Variants in MYO19 observed in about 807,000 individuals in gnomAD.
The protein encoded by MYO19 is myosin XIX.
A neutral mutation model predicts 129.2 loss-of-function variants in MYO19; 132 were observed. The ratio of observed to expected loss-of-function variants is 1.02; its 90% CI spans 0.89 to 1.18. The LOEUF (loss-of-function observed/expected upper bound fraction) is 1.18. Among genes scored for constraint, MYO19 ranks in the 50% most tolerant of loss-of-function variants. MYO19 has a pLI of 0.00. For missense variants in MYO19, 1,210 were observed against 1,216.7 expected, an observed-to-expected ratio of 0.99 and a Z score of 0.08; for synonymous variants, 531 against 477.2, an observed-to-expected ratio of 1.11 and a Z score of -1.47.
At chr17:36,516,081 TCTC>T (rs2072730332) in intron 6 of MYO19, 91 bp from the exon 7 acceptor site, 2 of 1,409,168 alleles carry the variant, frequency 1.4e-6, no homozygotes, top group East Asian at 5.1e-5. Context: ...AGAGCTCTCT[TCTC>T]CACCAGTGTG....
chr17:36,498,221 C>G (rs1347226713), intron 25 of MYO19, 45 bp downstream of exon 25: 1 of 1,574,654 alleles, frequency 6.4e-7, no homozygotes, highest in Non-Finnish European at 8.6e-7. Flanking sequence ...TTTGCTCCTG[C>G]TGTTCTCAGG....
At chr17:36,507,777 T>A in intron 15 of MYO19, 26 bp downstream of exon 15, 1 of 1,575,514 alleles carries the variant, frequency 6.3e-7, no homozygotes, top group Non-Finnish European at 8.6e-7. Context: ...AAGAAGGACC[T>A]GCCTCCTGCT....
At chr17:36,542,585 G>C (rs894643246) in intron 1 of MYO19, among the ~76,000 whole-genome samples, 4 of 151,798 alleles carry the variant, frequency 2.6e-5, no homozygotes, top group African/African-American at 9.7e-5. Context: ...TGTAGTCCCA[G>C]CTACTCGGGA....
rs903057383 is a variant in MYO19 at position 36,527,679 on chromosome 17, G to A, written c.172C>T (p.Arg58Trp). Residue 58 changes from arginine (R) to tryptophan (W), a missense_variant, in exon 5 of 26, where the codon CGG (arginine) becomes TGG (tryptophan). Arg to Trp is a moderately radical substitution (Grantham distance 101). Transcript: ENST00000614623. The part of the protein sequence containing the change: ...LETVLRCLQA[R>W]YMADTFYTNA... ...GTGTAGAATGTGTCTGCCATGTACC[G>A]GGCCTGCAGGCACCTCAGGACTGAG... is the stretch of plus-strand genomic sequence containing the variant. The A allele has an allele frequency of 1.1e-5, 18 of 1,612,840 alleles. No homozygotes were observed. Among genetic ancestry groups the A allele is most frequent in the Middle Eastern group, 1.6e-4 (1 of 6,076 alleles).
In MYO19 at chr17:36,540,372, C is replaced by CT. The variant is rs532388058; in HGVS notation, n.395+1708dup. Among the ~76,000 whole-genome samples, 988 of 138,700 alleles carry CT rather than the reference C, an allele frequency of 7.1e-3. 5 individuals carry two copies. Among genetic ancestry groups the CT allele is most frequent in the African/African-American group, 0.012 (447 of 37,806 alleles). 91.0% of individuals were successfully genotyped at this position (138,700 alleles called of 152,430 possible). A position where few individuals can be genotyped will look rare whatever the true frequency, so the allele number is the denominator to read the frequency against. The stretch of plus-strand genomic sequence containing the variant: ...ATAATGACGTTTAATATTCTACTGT[C>CT]TTTTTTTTTTTTTTTTGAGATGGAG... On this transcript the variant is annotated intron_variant and non_coding_transcript_variant, in intron 2 of 2. Transcript: ENST00000610496.
At chr17:36,532,826 C>T (rs2073905136) in intron 2 of MYO19, 145 bp from the exon 3 acceptor site, 1 of 532,810 alleles carries the variant, frequency 1.9e-6, no homozygotes. Context: ...CTTTCCCTTG[C>T]CAATTAGGAG....
In MYO19 at chr17:36,496,111, G is replaced by A. The variant is rs1295320954; in HGVS notation, c.*140C>T. ...ACTGACGCACTGGGCACGGGGCTCT[G>A]GGTCGAAGGCTGGAGCCGTCACTGT... On this transcript the variant is annotated 3_prime_UTR_variant, in exon 26 of 26. Coordinates refer to ENST00000614623, the MANE Select transcript of MYO19 (RefSeq NM_001163735.2). The A allele has an allele frequency of 1.7e-6, 2 of 1,199,108 alleles. No homozygotes were observed. The highest frequency in any genetic ancestry group is 2.4e-6 in the Non-Finnish European group (2 of 846,322). The allele number at this position is 1,199,108 out of a possible 1,614,324, so 74.3% of individuals were successfully genotyped here.
Position 36,498,522 on chromosome 17 carries a change from C to G in MYO19, c.2501G>C (p.Gly834Ala). The G allele has an allele frequency of 6.2e-7, 1 of 1,613,536 alleles. No individual in the cohort carries two copies. Among genetic ancestry groups the G allele is most frequent in the South Asian group, 1.1e-5 (1 of 91,076 alleles). Residue 834 changes from glycine to alanine, a missense_variant, in exon 25 of 26, where the codon GGT becomes GCT. Gly to Ala is a moderately conservative substitution (Grantham distance 60). Coordinates refer to ENST00000614623, the MANE Select transcript of MYO19 (RefSeq NM_001163735.2). ...TTGAGAGAAGTGTTTTTCTTCCACACCATCCAGCTCTTTAGCAGCAAGGCA... is the reference window on the plus strand; with the variant it reads ...TTGAGAGAAGTGTTTTTCTTCCACAGCATCCAGCTCTTTAGCAGCAAGGCA... ...MACLAAKELDGVEEKHFSQAP... is the reference protein window; with the variant it reads ...MACLAAKELDAVEEKHFSQAP...
At chr17:36,520,659 A>C (rs1212898949) in intron 6 of MYO19, among the ~76,000 whole-genome samples, 1 of 152,156 alleles carries the variant, frequency 6.6e-6, no homozygotes, top group African/African-American at 2.4e-5. Flanking sequence ...AGTGATGAAG[A>C]CCTTTATGAG....
chr17:36,538,536 G>A (rs1383455065), upstream of MYO19: 3 of 1,613,786 alleles, frequency 1.9e-6, no homozygotes, highest in Admixed American at 1.7e-5. Context: ...GGCCTTATTT[G>A]TGGTCAATCT....
At position 36,514,450 on chromosome 17, in the gene MYO19, TAGA is replaced by T. The variant is rs1567760576; in HGVS notation, c.713_715del (p.Phe238del). The T allele has an allele frequency of 6.2e-6, 10 of 1,609,562 alleles. No individual in the cohort carries two copies. Among genetic ancestry groups the T allele is most frequent in the African/African-American group, 1.3e-5 (1 of 74,826 alleles). On this transcript the variant is annotated inframe_deletion, in exon 9 of 26. Transcript: ENST00000614623. ...GTGGCCCCATTTGGCACAAACCTGA[TAGA>T]AGATGTGGAAGTTCCTCTCACTGGA... is the stretch of plus-strand genomic sequence containing the variant.
Position 36,495,800 on chromosome 17 carries a change from AAATC to A in MYO19, c.*447_*450del. The A allele has an allele frequency of 8.1e-7, 1 of 1,240,726 alleles. No homozygotes were observed. The highest frequency in any genetic ancestry group is 1.0e-6 in the Non-Finnish European group (1 of 992,634). The allele number at this position is 1,240,726 out of a possible 1,614,324, so 76.9% of individuals were successfully genotyped here. A position where few individuals can be genotyped will look rare whatever the true frequency, so the allele number is the denominator to read the frequency against. ...TTAATTGTTTGAAATTACATTAAAT[AAATC>A]AACTAATTAAATACTAAAGTTTTGT... On this transcript the variant is annotated 3_prime_UTR_variant, in exon 26 of 26. Coordinates refer to ENST00000614623, the MANE Select transcript of MYO19 (RefSeq NM_001163735.2).
At chr17:36,516,377 C>T (rs1567765503) in intron 6 of MYO19, among the ~76,000 whole-genome samples, 3 of 151,178 alleles carry the variant, frequency 2.0e-5, no homozygotes, top group African/African-American at 7.3e-5. Context: ...AGCAGTCTAA[C>T]TTTTTTTTTC....
rs758404100 is a variant in MYO19 at position 36,514,434 on chromosome 17, T to C, written c.720+12A>G. The C allele has an allele frequency of 1.9e-6, 3 of 1,588,692 alleles. No individual in the cohort carries two copies. Among genetic ancestry groups the C allele is most frequent in the Non-Finnish European group, 2.6e-6 (3 of 1,157,042 alleles). ...TCGCATCTGGGGGGCTGTGGCCCCATTTGGCACAAACCTGATAGAAGATGT... is the reference window on the plus strand; with the variant it reads ...TCGCATCTGGGGGGCTGTGGCCCCACTTGGCACAAACCTGATAGAAGATGT... On this transcript the variant is annotated intron_variant, in intron 9 of 25. Transcript: ENST00000614623.
chr17:36,533,920 C>T (rs774100568), intron 2 of MYO19, 33 bp downstream of exon 2: 1 of 152,210 alleles, frequency 6.6e-6, no homozygotes, highest in African/African-American at 2.4e-5. Context: ...CCAGATCTCA[C>T]GGGGCTAAAT....
At chr17:36,532,156 T>C (rs1410516934) in intron 3 of MYO19, among the ~76,000 whole-genome samples, 1 of 152,204 alleles carries the variant, frequency 6.6e-6, no homozygotes, top group Non-Finnish European at 1.5e-5. Flanking sequence ...AAGTGGCTAA[T>C]TCTTTCTAGT....
At chr17:36,535,009 G>GTGGCTTGGCCGGGACGCCTGGTC (rs2142572326), upstream of MYO19, 1 of 152,508 alleles carries the variant, frequency 6.6e-6, no homozygotes, top group East Asian at 1.9e-4. Context: ...GGGCGCGCAC[G>GTGGCTTGGCCGGGACGCCTGGTC]TGGCTTGGCC....
At chr17:36,516,389 G>A (rs1390649591) in intron 6 of MYO19, among the ~76,000 whole-genome samples, 3 of 150,066 alleles carry the variant, frequency 2.0e-5, no homozygotes, top group South Asian at 4.2e-4. Flanking sequence ...TTTTTTTTCC[G>A]AGACGGAGTC....
chr17:36,503,619 C>A (rs1214572202), intron 20 of MYO19, among the ~76,000 whole-genome samples: 2 of 152,236 alleles, frequency 1.3e-5, no homozygotes, highest in African/African-American at 2.4e-5. Flanking sequence ...CCCTGCTCCT[C>A]ATCAAGGCAA....
Sources: gnomAD v4.1 joint callset for allele counts (sites outside exome capture counted in the v4.1 genomes callset) on GRCh38, gnomAD v4.1.1 for gene constraint, MANE v1.5 for transcripts, NCBI Gene and HGNC (gene_info 2026-07-23, HGNC 2026-07-21) for gene names.